The following ATP13A3 variants were observed in gnomAD, a reference collection of about 807,000 sequenced individuals.
ATP13A3 encodes polyamine-transporting ATPase 13A3.
A neutral mutation model predicts 158.1 loss-of-function variants in ATP13A3; 59 were observed. That is an observed-to-expected ratio of 0.37 (90% CI 0.30 to 0.46). ATP13A3 has a LOEUF of 0.46. Ranked by LOEUF, ATP13A3 falls within the 20% of genes least tolerant of loss-of-function variation. The pLI, the probability that ATP13A3 is intolerant of heterozygous loss-of-function variation, is 1.00. For missense variants in ATP13A3, 1,166 were observed against 1,525.2 expected, an observed-to-expected ratio of 0.76 and a Z score of 3.92; for synonymous variants, 491 against 504.3, an observed-to-expected ratio of 0.97 and a Z score of 0.35.
At chr3:194,434,008 G>T in intron 20 of ATP13A3, 112 bp from the exon 21 acceptor site, 1 of 1,131,252 alleles carries the variant, frequency 8.8e-7, no homozygotes, top group Non-Finnish European at 1.2e-6. Context: ...TTATAATGCA[G>T]TTTAAAATAT....
chr3:194,464,885 G>A (rs1719897024), intron 2 of ATP13A3, among the ~76,000 whole-genome samples: 1 of 152,076 alleles, frequency 6.6e-6, no homozygotes, highest in African/African-American at 2.4e-5. Flanking sequence ...CCAAAATGCT[G>A]AGACTGCAGG....
At chr3:194,487,556 A>G (rs1721061774), upstream of ATP13A3, 1 of 152,256 alleles carries the variant, frequency 6.6e-6, no homozygotes, top group African/African-American at 2.4e-5. Context: ...GGAGGAGCGC[A>G]CACGAGAAAG....
chr3:194,479,100 C>CG (rs941889107), intron 2 of ATP13A3, among the ~76,000 whole-genome samples: 78 of 152,148 alleles, frequency 5.1e-4, no homozygotes, highest in African/African-American at 1.8e-3. Context: ...AGGATTGGGG[C>CG]GGGGGGTACT....
At chr3:194,464,097 G>C (rs558091406) in intron 2 of ATP13A3, among the ~76,000 whole-genome samples, 2 of 152,150 alleles carry the variant, frequency 1.3e-5, no homozygotes, top group Non-Finnish European at 2.9e-5. Context: ...GGAGGCGGAG[G>C]TTGTAGTAAG....
At chr3:194,461,482 A>T (rs916662875) in intron 3 of ATP13A3, among the ~76,000 whole-genome samples, 1 of 152,168 alleles carries the variant, frequency 6.6e-6, no homozygotes, top group African/African-American at 2.4e-5. Flanking sequence ...TTCCCAAATG[A>T]TTTACTAATT....
Position 194,437,587 on chromosome 3 carries a change from A to T in ATP13A3, c.1828-14T>A. Reference sequence around the variant, plus strand: ...TTCAAACAGCTCCTAAAAACGAAACAAAACAAGAAAAAATAGTACAGATTA... The same window carrying T: ...TTCAAACAGCTCCTAAAAACGAAACTAAACAAGAAAAAATAGTACAGATTA... On this transcript the variant is annotated splice_polypyrimidine_tract_variant and intron_variant, in intron 17 of 33. Coordinates refer to ENST00000645319, the MANE Select transcript of ATP13A3 (RefSeq NM_001367549.1). 1 of 1,593,456 alleles carries T rather than the reference A, an allele frequency of 6.3e-7. No individual in the cohort carries two copies. Among genetic ancestry groups the T allele is most frequent in the South Asian group, 1.1e-5 (1 of 88,966 alleles).
intron 2 of ATP13A3, among the ~76,000 whole-genome samples, chr3:194,468,858 G>C (rs555101045): frequency 5.9e-5 from 9 of 152,292 alleles, no homozygotes; most frequent in Admixed American, 5.2e-4. Context: ...ATCTTCAGCA[G>C]TACTGAAGTA....
At chr3:194,443,390 A>G (rs1038582270) in intron 15 of ATP13A3, among the ~76,000 whole-genome samples, 1 of 152,164 alleles carries the variant, frequency 6.6e-6, no homozygotes, top group Non-Finnish European at 1.5e-5. Flanking sequence ...AAAAATGAGA[A>G]TGTGAAAATG....
chr3:194,442,385 G>A (rs954316815), intron 15 of ATP13A3, among the ~76,000 whole-genome samples: 4 of 152,098 alleles, frequency 2.6e-5, no homozygotes, highest in African/African-American at 4.8e-5. Context: ...ATCATTTGAG[G>A]CCAGGAGTTC....
chr3:194,423,616 G>C (rs1716545756), intron 30 of ATP13A3, among the ~76,000 whole-genome samples: 1 of 152,212 alleles, frequency 6.6e-6, no homozygotes, highest in Admixed American at 6.5e-5. Flanking sequence ...TACACAAGCT[G>C]CTGACAGTAA....
At chr3:194,423,366 T>A (rs898693275) in intron 30 of ATP13A3, among the ~76,000 whole-genome samples, 1 of 152,174 alleles carries the variant, frequency 6.6e-6, no homozygotes, top group Non-Finnish European at 1.5e-5. Context: ...TTACACACCA[T>A]TTATAGAGAG....
Position 194,430,181 on chromosome 3 carries a change from C to A in ATP13A3, c.2668G>T (p.Ala890Ser). ...MCGDGANDCG[A>S]LKRAHGGISL... is the part of the protein sequence containing the mutation. ...ATGCCTCCGTGTGCCCTCTTCAAAG[C>A]CTAATAATTTTAAGAAAACTGGTTA... Residue 890 changes from alanine to serine, a missense_variant and splice_region_variant, in exon 26 of 34, where the codon GCT becomes TCT. Physicochemically the swap from Ala to Ser is moderately conservative, Grantham distance 99 (BLOSUM62 1). This residue lies in a region of ATP13A3 where 997 missense variants were observed against 1,341.2 expected (regional missense o/e 0.74). Transcript: ENST00000645319. The A allele has an allele frequency of 6.2e-7, 1 of 1,613,776 alleles. No individual in the cohort carries two copies. Among genetic ancestry groups the A allele is most frequent in the Non-Finnish European group, 8.5e-7 (1 of 1,179,862 alleles).
At chr3:194,410,937 GGTGTGTGTGTGTGT>G (rs34952393) in intron 33 of ATP13A3, among the ~76,000 whole-genome samples, 27 of 127,280 alleles carry the variant, frequency 2.1e-4, no homozygotes, top group Admixed American at 4.8e-4. Context: ...GGGGTGTTGG[GGTGTGTGTGTGTGT>G]GTGTGTGTGT....
chr3:194,406,140 A>T lies in ATP13A3; in HGVS notation c.3574-24T>A, dbSNP rs767857720. ...TCCTAAGAAAATAAGAAAAAAACAA[A>T]ACAAAACACCCCAGTTGATTAAAGG... On this transcript the variant is annotated intron_variant, in intron 33 of 33. Transcript: ENST00000645319. 2.5e-6 allele frequency: 4 copies of T among 1,611,628 alleles called. No individual in the cohort carries two copies. The South Asian group carries it at 4.4e-5, about 18-fold the overall frequency.
chr3:194,437,831 G>A (rs1677296134), intron 17 of ATP13A3, among the ~76,000 whole-genome samples: 1 of 152,132 alleles, frequency 6.6e-6, no homozygotes, highest in African/African-American at 2.4e-5. Context: ...GTGCAAGCAA[G>A]TGTACATACC....
At chr3:194,481,873 G>T (rs1720766078) in intron 2 of ATP13A3, among the ~76,000 whole-genome samples, 1 of 152,162 alleles carries the variant, frequency 6.6e-6, no homozygotes, top group Non-Finnish European at 1.5e-5. Flanking sequence ...GTAAGTGTAA[G>T]AATCAACAAA....
intron 2 of ATP13A3, among the ~76,000 whole-genome samples, chr3:194,466,624 C>T (rs2109000885): frequency 6.6e-6 from 1 of 152,178 alleles, no homozygotes; most frequent in Non-Finnish European, 1.5e-5. Context: ...CATGAGAGTC[C>T]ATTATACTAG....
chr3:194,476,546 C>T (rs993974408), intron 2 of ATP13A3, among the ~76,000 whole-genome samples: 3 of 152,152 alleles, frequency 2.0e-5, no homozygotes, highest in South Asian at 2.1e-4. Context: ...TACATCCAAC[C>T]GGCCACTCAT....
At chr3:194,484,917 C>T (rs1390417123) in intron 2 of ATP13A3, among the ~76,000 whole-genome samples, 4 of 151,968 alleles carry the variant, frequency 2.6e-5, no homozygotes, top group East Asian at 1.9e-4. Flanking sequence ...ATTAGCTGGG[C>T]GTGGTGGCAC....
Sources: gnomAD v4.1 joint callset for allele counts (sites outside exome capture counted in the v4.1 genomes callset) on GRCh38, gnomAD v4.1.1 for gene constraint, gnomAD v4.1.1 regional missense constraint, MANE v1.5 for transcripts, NCBI Gene and HGNC (gene_info 2026-07-23, HGNC 2026-07-21) for gene names.